The following RANBP3 variants were observed in gnomAD, a reference collection of about 807,000 sequenced individuals.
The protein encoded by RANBP3 is RAN binding protein 3, also known as ran-binding protein 3.
A neutral mutation model predicts 77.3 loss-of-function variants in RANBP3; 14 were observed. That is an observed-to-expected ratio of 0.18 (90% CI 0.12 to 0.28). The LOEUF (loss-of-function observed/expected upper bound fraction) is 0.28. Ranked by LOEUF, RANBP3 falls within the 10% of genes least tolerant of loss-of-function variation. The pLI is 1.00. For synonymous variants in RANBP3, 315 were observed against 312.4 expected (o/e 1.01, Z -0.09); for missense variants, 586 against 752.3 (o/e 0.78, Z 2.59).
chr19:5,923,972 G>A lies in RANBP3; in HGVS notation c.997-58C>T, dbSNP rs2057865403. 3 of 1,346,162 alleles carry A rather than the reference G, an allele frequency of 2.2e-6. No homozygotes were observed. The South Asian group carries it at 3.6e-5, about 16-fold the overall frequency. The allele number at this position is 1,346,162 out of a possible 1,614,324, so 83.4% of individuals were successfully genotyped here. ...GCACTTGTGTGGTCCTTCAGCAGCA[G>A]CTCTGAGCACCTCTCTGCCTGGCCC... is the stretch of plus-strand genomic sequence containing the variant. On this transcript the variant is annotated intron_variant, in intron 11 of 16. Coordinates refer to ENST00000340578, the MANE Select transcript of RANBP3 (RefSeq NM_007322.3).
At chr19:5,962,545 C>T in intron 1 of RANBP3, 1 of 387,680 alleles carries the variant, frequency 2.6e-6, no homozygotes, top group Non-Finnish European at 5.2e-6. Context: ...ACCCAGGGAG[C>T]CATGGTCAGG....
rs1456175448 is a variant in RANBP3, at chr19:5,942,720, AC to A, written c.283-886del. On this transcript the variant is annotated intron_variant, in intron 3 of 16. Transcript: ENST00000340578. ...TGTCTCAAAAAAAAAAAAAAAAAAA[AC>A]AAAAGGACTTAAAATGGACTGGGTG... Among the ~76,000 whole-genome samples the A allele has an allele frequency of 4.5e-3, 635 of 140,412 alleles. 2 individuals are homozygous for A. The highest frequency in any genetic ancestry group is 7.2e-3 in the Middle Eastern group (2 of 278). 92.1% of individuals were successfully genotyped at this position (140,412 alleles called of 152,430 possible).
At position 5,959,498 on chromosome 19, in the gene RANBP3, T is replaced by C. The variant is rs970549821; in HGVS notation, c.23-1525A>G. Reference sequence around the variant, plus strand: ...GCACACCAGGGTCTGATTCACCGTGTACAGCCAAGGCAAACACTGGAGTGA... The same window carrying C: ...GCACACCAGGGTCTGATTCACCGTGCACAGCCAAGGCAAACACTGGAGTGA... On this transcript the variant is annotated intron_variant, in intron 1 of 16. Transcript: ENST00000340578. This position sits in a 1 kb window ranked among gnomAD's most constrained non-coding sequence, Gnocchi z 5.1. Among the ~76,000 whole-genome samples, 2 of 151,952 alleles carry C rather than the reference T, an allele frequency of 1.3e-5. No homozygotes were observed. Among genetic ancestry groups the C allele is most frequent in the Admixed American group, 1.3e-4 (2 of 15,262 alleles).
chr19:5,932,430 C>T (rs367898474), intron 7 of RANBP3, 22 bp downstream of exon 7: 154 of 1,607,276 alleles, frequency 9.6e-5, no homozygotes, highest in Middle Eastern at 1.7e-4. Flanking sequence ...TGGGCCTGGG[C>T]GCCAGGGCTG....
intron 1 of RANBP3, among the ~76,000 whole-genome samples, chr19:5,973,134 C>A (rs897812060): frequency 2.0e-5 from 3 of 152,192 alleles, no homozygotes; most frequent in Non-Finnish European, 4.4e-5. Context: ...AAGCAAAAAT[C>A]CCAGAATTAG....
At chr19:5,950,231 G>A (rs533700498) in intron 3 of RANBP3, among the ~76,000 whole-genome samples, 1 of 152,298 alleles carries the variant, frequency 6.6e-6, no homozygotes, top group South Asian at 2.1e-4. Context: ...CCAGTGCACT[G>A]TGGGTCAAGT....
At chr19:5,955,555 T>C (rs531340705) in intron 2 of RANBP3, among the ~76,000 whole-genome samples, 1 of 152,356 alleles carries the variant, frequency 6.6e-6, no homozygotes, top group African/African-American at 2.4e-5. Flanking sequence ...AAAACAGTAC[T>C]GACACAGCAG....
chr19:5,977,710 C>T (rs2058612790), intron 1 of RANBP3, among the ~76,000 whole-genome samples: 1 of 152,234 alleles, frequency 6.6e-6, no homozygotes, highest in South Asian at 2.1e-4. Flanking sequence ...CAACCAGGCC[C>T]TAAGGTCTAT....
At chr19:5,963,375 G>C (rs1368764825) in intron 1 of RANBP3, among the ~76,000 whole-genome samples, 2 of 152,036 alleles carry the variant, frequency 1.3e-5, no homozygotes, top group Non-Finnish European at 2.9e-5. Context: ...AACATAATGA[G>C]ACCCTATTTC....
At chr19:5,960,129 G>C (rs1271907130) in intron 1 of RANBP3, among the ~76,000 whole-genome samples, 1 of 151,988 alleles carries the variant, frequency 6.6e-6, no homozygotes, top group Admixed American at 6.6e-5. Context: ...GAGCCAACCA[G>C]AGGTAGCAGA....
At chr19:5,938,034 C>T (rs2058088765) in intron 5 of RANBP3, among the ~76,000 whole-genome samples, 1 of 152,148 alleles carries the variant, frequency 6.6e-6, no homozygotes, top group African/African-American at 2.4e-5. Flanking sequence ...AACACCAAGC[C>T]CCTCTGCAGG....
intron 1 of RANBP3, among the ~76,000 whole-genome samples, chr19:5,964,128 C>T (rs1439339893): frequency 2.6e-5 from 4 of 152,230 alleles, no homozygotes; most frequent in African/African-American, 9.7e-5. Context: ...GGCTCCGATG[C>T]AAAATGGGAC....
chr19:5,972,767 G>C (rs150929288), intron 1 of RANBP3, among the ~76,000 whole-genome samples: 1 of 152,150 alleles, frequency 6.6e-6, no homozygotes, highest in African/African-American at 2.4e-5. Flanking sequence ...TCCACCCCAA[G>C]CTCCTCCAAA....
chr19:5,931,022 C>T (rs937537877), intron 8 of RANBP3, among the ~76,000 whole-genome samples: 1 of 152,208 alleles, frequency 6.6e-6, no homozygotes, highest in African/African-American at 2.4e-5. Flanking sequence ...GACAGCCGTT[C>T]CTCGGGCCCT....
At chr19:5,968,678 C>T (rs2058496366) in intron 1 of RANBP3, among the ~76,000 whole-genome samples, 1 of 152,164 alleles carries the variant, frequency 6.6e-6, no homozygotes, top group Non-Finnish European at 1.5e-5. Flanking sequence ...AAGGCAAACG[C>T]TCAGGTGCTC....
At chr19:5,961,523 G>A (rs560793316) in intron 1 of RANBP3, among the ~76,000 whole-genome samples, 3 of 151,810 alleles carry the variant, frequency 2.0e-5, no homozygotes, top group East Asian at 3.9e-4. Context: ...ACCTGAGGTC[G>A]GGAGTTCGAG....
In RANBP3 at chr19:5,924,286, G is replaced by A. The variant is rs1305952050; in HGVS notation, c.997-372C>T. ...CAGGCGGCTCAGGACAGGCCCTCAC[G>A]CAGTCGCAATGGAGCTGGGTGGAAT... On this transcript the variant is annotated intron_variant, in intron 11 of 16. Transcript: ENST00000340578. The surrounding 1 kb of genome is among the most constrained non-coding windows in gnomAD (Gnocchi z 4.7). 2.6e-5 allele frequency among the ~76,000 whole-genome samples: 4 copies of A among 152,272 alleles called. No individual in the cohort carries two copies. Among genetic ancestry groups the A allele is most frequent in the African/African-American group, 4.8e-5 (2 of 41,480 alleles).
intron 3 of RANBP3, among the ~76,000 whole-genome samples, chr19:5,948,434 CAG>C (rs2058235122): frequency 6.8e-6 from 1 of 147,664 alleles, no homozygotes; most frequent in African/African-American, 2.5e-5. Context: ...GCCTGGGCGA[CAG>C]AGCGAGACTC....
intron 2 of RANBP3, among the ~76,000 whole-genome samples, chr19:5,955,128 A>T (rs2058320597): frequency 6.6e-6 from 1 of 152,062 alleles, no homozygotes; most frequent in African/African-American, 2.4e-5. Flanking sequence ...TTTATTTTTA[A>T]TTTTTATTTT....
Sources: gnomAD v4.1 joint callset for allele counts (sites outside exome capture counted in the v4.1 genomes callset) on GRCh38, gnomAD v4.1.1 for gene constraint, Gnocchi (gnomAD v3.1) non-coding constraint, MANE v1.5 for transcripts, NCBI Gene and HGNC (gene_info 2026-07-23, HGNC 2026-07-21) for gene names.